The following CSMD1 variants were observed in gnomAD, a reference collection of about 807,000 sequenced individuals.
CSMD1 encodes CUB and sushi domain-containing protein 1.
In CSMD1, 213 loss-of-function variants were observed where a neutral mutation model predicts 417.5. That is an observed-to-expected ratio of 0.51 (90% CI 0.46 to 0.57). The LOEUF is 0.57. CSMD1 is among the 20% of genes least tolerant of loss of function. The pLI is 0.00. For synonymous variants in CSMD1, 2,862 were observed against 1,736.8 expected (o/e 1.65, Z -16.11); for missense variants, 6,923 against 4,529.7 (o/e 1.53, Z -15.17).
At chr8:4,417,660 C>T (rs141920538) in intron 3 of CSMD1, among the ~76,000 whole-genome samples, 1,813 of 151,970 alleles carry the variant, frequency 0.012, 15 homozygotes, top group Middle Eastern at 0.024. Context: ...ATAACAGGAT[C>T]CGTGGGCAGT....
intron 12 of CSMD1, among the ~76,000 whole-genome samples, chr8:3,466,526 C>T (rs533720736): frequency 2.6e-5 from 4 of 151,910 alleles, no homozygotes; most frequent in African/African-American, 4.8e-5. Flanking sequence ...TCTTCTGCCC[C>T]AGCCTCCTGT....
chr8:4,196,217 A>G (rs530163472), intron 3 of CSMD1, among the ~76,000 whole-genome samples: 127 of 152,202 alleles, frequency 8.3e-4, no homozygotes, highest in Non-Finnish European at 1.5e-3. Flanking sequence ...TTTCAAAAAT[A>G]AATAAATAAA....
chr8:4,960,942 G>A (rs909671038), intron 1 of CSMD1, among the ~76,000 whole-genome samples: 3 of 152,124 alleles, frequency 2.0e-5, no homozygotes, highest in Non-Finnish European at 2.9e-5. Context: ...TGATTTCACT[G>A]CACATTTTTA....
chr8:4,107,100 C>G (rs932579535), intron 3 of CSMD1, among the ~76,000 whole-genome samples: 5 of 152,038 alleles, frequency 3.3e-5, no homozygotes, highest in Non-Finnish European at 7.4e-5. Context: ...GTGATAATGA[C>G]GACAGAAATG....
chr8:3,703,173 T>A lies in CSMD1; in HGVS notation c.1009+5241A>T, dbSNP rs143972701. 4.9e-4 allele frequency among the ~76,000 whole-genome samples: 74 copies of A among 152,358 alleles called. 1 individual carries two copies. The highest frequency in any genetic ancestry group is 1.7e-3 in the African/African-American group (69 of 41,584). ...AAGGAAATTCTAAATCTTCTCATTCTACACTTAATGTTGAGAGTCGCCCTC... is the reference window on the plus strand; with the variant it reads ...AAGGAAATTCTAAATCTTCTCATTCAACACTTAATGTTGAGAGTCGCCCTC... On this transcript the variant is annotated intron_variant, in intron 7 of 69. Coordinates refer to ENST00000635120, the MANE Select transcript of CSMD1 (RefSeq NM_033225.6).
chr8:4,945,065 CT>C (rs1305532804), intron 1 of CSMD1, among the ~76,000 whole-genome samples: 2 of 152,056 alleles, frequency 1.3e-5, no homozygotes, highest in Non-Finnish European at 1.5e-5. Context: ...ATTATTTATC[CT>C]AAAAAGGAAG....
intron 3 of CSMD1, among the ~76,000 whole-genome samples, chr8:4,081,984 G>T (rs527240479): frequency 1.7e-4 from 26 of 152,142 alleles, no homozygotes; most frequent in African/African-American, 6.3e-4. Context: ...TCTGCCTCAG[G>T]AAGTTAATAG....
chr8:3,485,061 G>T (rs780295685), intron 11 of CSMD1, among the ~76,000 whole-genome samples: 1 of 152,136 alleles, frequency 6.6e-6, no homozygotes, highest in African/African-American at 2.4e-5. Flanking sequence ...ACACTCCTAA[G>T]TAATTTCCAA....
intron 7 of CSMD1, among the ~76,000 whole-genome samples, chr8:3,690,968 T>C (rs970917554): frequency 1.3e-5 from 2 of 152,154 alleles, no homozygotes; most frequent in Non-Finnish European, 2.9e-5. Context: ...GACTGGTTAA[T>C]GCATGTTTGT....
intron 1 of CSMD1, among the ~76,000 whole-genome samples, chr8:4,832,664 A>T (rs1156276994): frequency 6.6e-6 from 1 of 152,216 alleles, no homozygotes; most frequent in Admixed American, 6.5e-5. Flanking sequence ...ATATATTCTC[A>T]TATTTCTCAC....
chr8:2,993,817 C>T (rs1242050388), intron 54 of CSMD1, among the ~76,000 whole-genome samples: 12 of 151,946 alleles, frequency 7.9e-5, no homozygotes, highest in Admixed American at 6.6e-4. Flanking sequence ...AGTTACTCCC[C>T]TGCATTGAAG....
intron 5 of CSMD1, among the ~76,000 whole-genome samples, chr8:3,778,543 C>T (rs1021443858): frequency 8.5e-5 from 13 of 152,182 alleles, no homozygotes; most frequent in Admixed American, 5.9e-4. Context: ...TGCCTGTGCA[C>T]GCTCTTGCCT....
intron 1 of CSMD1, among the ~76,000 whole-genome samples, chr8:4,694,299 G>A (rs891302988): frequency 6.6e-6 from 1 of 152,134 alleles, no homozygotes. Flanking sequence ...CTCCCTGCTT[G>A]AAGTTGTCCT....
chr8:3,490,763 C>T (rs1446631622), intron 11 of CSMD1, among the ~76,000 whole-genome samples: 3 of 152,134 alleles, frequency 2.0e-5, no homozygotes, highest in Non-Finnish European at 4.4e-5. Flanking sequence ...CCAACCCTGT[C>T]CCAGGTCAAA....
chr8:3,678,945 T>G (rs548428797), intron 7 of CSMD1, among the ~76,000 whole-genome samples: 1 of 152,102 alleles, frequency 6.6e-6, no homozygotes, highest in Non-Finnish European at 1.5e-5. Flanking sequence ...TTAAGCTTCA[T>G]AAGTGAAGAA....
intron 7 of CSMD1, among the ~76,000 whole-genome samples, chr8:3,705,749 G>C (rs976005706): frequency 1.3e-5 from 2 of 152,166 alleles, no homozygotes; most frequent in African/African-American, 4.8e-5. Context: ...TTGTGTGCTT[G>C]GATCTAATCT....
At position 4,036,406 on chromosome 8, in the gene CSMD1, G is replaced by C. The variant is rs771163508; in HGVS notation, c.416-4307C>G. ...TTTTCCAGCAGTGTAGAAATGTATTGACTTACATATTTCTGAAGGAAAAAT... is the reference window on the plus strand; with the variant it reads ...TTTTCCAGCAGTGTAGAAATGTATTCACTTACATATTTCTGAAGGAAAAAT... On this transcript the variant is annotated intron_variant, in intron 3 of 69. Coordinates refer to ENST00000635120, the MANE Select transcript of CSMD1 (RefSeq NM_033225.6). Among the ~76,000 whole-genome samples, 13 of 152,138 alleles carry C rather than the reference G, an allele frequency of 8.5e-5. 1 individual carries two copies. Among genetic ancestry groups the C allele is most frequent in the Admixed American group, 2.0e-4 (3 of 15,282 alleles).
intron 33 of CSMD1, among the ~76,000 whole-genome samples, chr8:3,198,178 A>AC (rs1258314152): frequency 6.6e-6 from 1 of 152,190 alleles, no homozygotes; most frequent in Non-Finnish European, 1.5e-5. Context: ...CATATAAGAC[A>AC]CCAGGATATT....
At chr8:4,737,732 C>G (rs1810338457) in intron 1 of CSMD1, among the ~76,000 whole-genome samples, 1 of 152,070 alleles carries the variant, frequency 6.6e-6, no homozygotes, top group South Asian at 2.1e-4. Flanking sequence ...TAGGTAATGG[C>G]TTAAATCAAT....
Sources: allele counts gnomAD v4.1 joint callset (sites outside exome capture counted in the v4.1 genomes callset), GRCh38; gene constraint gnomAD v4.1.1; transcripts MANE v1.5; gene names NCBI Gene and HGNC (gene_info 2026-07-23, HGNC 2026-07-21).